The following TMEM164 variants were observed in gnomAD, a reference collection of about 807,000 sequenced individuals.
TMEM164 encodes the protein transmembrane protein 164.
In TMEM164, 4 loss-of-function variants were observed where a neutral mutation model predicts 18.8. The ratio of observed to expected loss-of-function variants is 0.21; its 90% CI spans 0.10 to 0.49. The LOEUF (loss-of-function observed/expected upper bound fraction) is 0.49. Among genes scored for constraint, TMEM164 ranks in the 20% least tolerant of loss-of-function variants. The pLI, the probability that TMEM164 is intolerant of heterozygous loss-of-function variation, is 0.98. For missense variants in TMEM164, 108 were observed against 239.9 expected (o/e 0.45, Z 3.63); for synonymous variants, 86 against 101.7 (o/e 0.85, Z 0.93).
chrX:110,090,279 A>C (rs1335740077), intron 3 of TMEM164, among the ~76,000 whole-genome samples: 39 of 104,355 alleles, frequency 3.7e-4, no homozygotes, highest in African/African-American at 1.2e-3. Flanking sequence ...TTTTTTCTTT[A>C]CTTGCTTGTT....
upstream of TMEM164, chrX:110,002,882 C>T (rs1171359310): frequency 9.0e-6 from 1 of 110,681 alleles, no homozygotes; most frequent in Non-Finnish European, 1.9e-5. Context: ...GTCCAGGGGC[C>T]GGCTTTAGTC....
intron 2 of TMEM164, among the ~76,000 whole-genome samples, chrX:110,012,566 G>A (rs955917909): frequency 1.5e-4 from 17 of 111,895 alleles, no homozygotes; most frequent in African/African-American, 4.2e-4. Flanking sequence ...CTTCTCTCCC[G>A]CTAAAGCCCC....
intron 4 of TMEM164, 138 bp from the exon 5 acceptor site, chrX:110,144,660 T>C (rs1177112581): frequency 2.7e-6 from 1 of 374,861 alleles, no homozygotes; most frequent in African/African-American, 2.6e-5. Context: ...TTTCCTGCAA[T>C]TGTAAAGAGA....
intron 3 of TMEM164, among the ~76,000 whole-genome samples, chrX:110,084,366 A>ACT (rs1185953773): frequency 5.0e-5 from 3 of 60,309 alleles, no homozygotes; most frequent in African/African-American, 2.3e-4. Context: ...TATATAGTAT[A>ACT]GTATATATAT....
At chrX:110,154,594 A>AT (rs1232166283) in intron 5 of TMEM164, among the ~76,000 whole-genome samples, 1 of 111,011 alleles carries the variant, frequency 9.0e-6, no homozygotes, top group Non-Finnish European at 1.9e-5. Flanking sequence ...TAGTTTTTGC[A>AT]TTTTTTGTAG....
chrX:110,012,065 C>T (rs934849887), intron 2 of TMEM164, among the ~76,000 whole-genome samples: 1 of 111,426 alleles, frequency 9.0e-6, no homozygotes, highest in African/African-American at 3.3e-5. Flanking sequence ...CCCACACTGT[C>T]AACAACAGAG....
rs1036705725 is a variant in TMEM164, at chrX:110,037,984, A to ATTTTTTTTTTTTTTT, written c.391-29353_391-29339dup. ...TTCCTAAAGAACAGCCTTTGGACTC[A>ATTTTTTTTTTTTTTT]TTTTTTTTTTTTTTTTTTTTTTTTG... On this transcript the variant is annotated intron_variant, in intron 2 of 6. Transcript: ENST00000372068. Among the ~76,000 whole-genome samples the ATTTTTTTTTTTTTTT allele has an allele frequency of 2.8e-5, 2 of 72,694 alleles. 1 individual carries two copies. The highest frequency in any genetic ancestry group is 1.2e-4 in the African/African-American group (2 of 16,403). 63.1% of individuals were successfully genotyped at this position (72,694 alleles called of 115,157 possible). A position where few individuals can be genotyped will look rare whatever the true frequency, so the allele number is the denominator to read the frequency against.
chrX:110,119,893 G>C (rs1366353271), intron 4 of TMEM164, among the ~76,000 whole-genome samples: 2 of 111,962 alleles, frequency 1.8e-5, no homozygotes, highest in Non-Finnish European at 3.8e-5. Context: ...TTCAGTGGCG[G>C]TAATGTGAAG....
chrX:110,084,759 T>C (rs976680262), intron 3 of TMEM164, among the ~76,000 whole-genome samples: 2 of 110,167 alleles, frequency 1.8e-5, no homozygotes, highest in African/African-American at 3.3e-5. Context: ...TTTCCTAATA[T>C]CAATCTTTGT....
intron 2 of TMEM164, among the ~76,000 whole-genome samples, chrX:110,021,967 C>A (rs1197970831): frequency 1.8e-5 from 2 of 111,300 alleles, no homozygotes; most frequent in African/African-American, 6.5e-5. Context: ...CAGTGGAGGT[C>A]AGAGTCCTCA....
intron 5 of TMEM164, among the ~76,000 whole-genome samples, chrX:110,163,522 A>G (rs1019539043): frequency 5.3e-5 from 6 of 112,155 alleles, no homozygotes; most frequent in Non-Finnish European, 1.1e-4. Context: ...GCATGTGACT[A>G]GTAACTACCA....
chrX:110,077,144 G>A (rs1377263800), intron 3 of TMEM164, among the ~76,000 whole-genome samples: 4 of 112,126 alleles, frequency 3.6e-5, no homozygotes, highest in African/African-American at 1.3e-4. Context: ...CTCCAATGTT[G>A]GGTGCATATA....
chrX:110,026,633 C>T lies in TMEM164; in HGVS notation c.390+22469C>T, dbSNP rs1210056757. Among the ~76,000 whole-genome samples, 4 of 111,549 alleles carry T rather than the reference C, an allele frequency of 3.6e-5. No homozygotes were observed. The Admixed American group carries it at 3.8e-4, about 11-fold the overall frequency. On this transcript the variant is annotated intron_variant, in intron 2 of 6. Coordinates refer to ENST00000372068, the MANE Select transcript of TMEM164 (RefSeq NM_032227.4). ...CAGGCATTGTCCTAAGTGCCTTATGCGCATGAACTCATTTAATCCTCACAA... is the reference window on the plus strand; with the variant it reads ...CAGGCATTGTCCTAAGTGCCTTATGTGCATGAACTCATTTAATCCTCACAA...
intron 4 of TMEM164, among the ~76,000 whole-genome samples, chrX:110,139,179 G>A (rs2066733465): frequency 8.9e-6 from 1 of 112,408 alleles, no homozygotes; most frequent in Non-Finnish European, 1.9e-5. Flanking sequence ...CAATGATCCA[G>A]TGAGAAAAAC....
chrX:110,097,630 G>A (rs918918601), intron 3 of TMEM164, among the ~76,000 whole-genome samples: 1 of 112,195 alleles, frequency 8.9e-6, no homozygotes, highest in African/African-American at 3.2e-5. Context: ...TAGAGTAGAG[G>A]TTCCCCTTGT....
At chrX:110,155,070 TC>T (rs2148094780) in intron 5 of TMEM164, among the ~76,000 whole-genome samples, 1 of 111,864 alleles carries the variant, frequency 8.9e-6, no homozygotes, top group African/African-American at 3.3e-5. Context: ...TCATCTTTCT[TC>T]CAACTAGACT....
intron 3 of TMEM164, among the ~76,000 whole-genome samples, chrX:110,098,989 G>A (rs1482159489): frequency 4.0e-5 from 4 of 99,526 alleles, no homozygotes; most frequent in Non-Finnish European, 8.1e-5. Flanking sequence ...TAGTAGAGAC[G>A]GGGTTTCATC....
intron 4 of TMEM164, among the ~76,000 whole-genome samples, chrX:110,117,175 A>G (rs1452605917): frequency 9.0e-6 from 1 of 111,198 alleles, no homozygotes; most frequent in Non-Finnish European, 1.9e-5. Flanking sequence ...AGTTTAAGTA[A>G]CTTGTACAGG....
chrX:110,144,380 C>G (rs1245350752), intron 4 of TMEM164, among the ~76,000 whole-genome samples: 4 of 112,041 alleles, frequency 3.6e-5, no homozygotes, highest in Non-Finnish European at 7.5e-5. Flanking sequence ...TTGCAGAATA[C>G]AAACTGTTAC....
Sources: gnomAD v4.1 joint callset for allele counts (sites outside exome capture counted in the v4.1 genomes callset) on GRCh38, gnomAD v4.1.1 for gene constraint, MANE v1.5 for transcripts, NCBI Gene and HGNC (gene_info 2026-07-23, HGNC 2026-07-21) for gene names.